The following OSBPL3 variants were observed in gnomAD, a reference collection of about 807,000 sequenced individuals.
The protein encoded by OSBPL3 is oxysterol-binding protein-related protein 3.
Under a neutral mutation model 120.1 loss-of-function variants are expected in OSBPL3, and 65 were observed. That is an observed-to-expected ratio of 0.54 (90% CI 0.44 to 0.67). The LOEUF is 0.67. Among genes scored for constraint, OSBPL3 ranks in the 30% least tolerant of loss-of-function variants. The pLI is 0.00. For missense variants in OSBPL3, 1,004 were observed against 1,082.1 expected (o/e 0.93, Z 1.01); for synonymous variants, 416 against 402.6 (o/e 1.03, Z -0.40).
rs1180150637 is a variant in OSBPL3, at chr7:24,972,187, A to G, written c.-150+7699T>C. On this transcript the variant is annotated intron_variant, in intron 1 of 22. Transcript: ENST00000313367. This position sits in a 1 kb window ranked among gnomAD's most constrained non-coding sequence, Gnocchi z 4.3. Reference sequence around the variant, plus strand: ...ATTCAACTCCCATTAGCAAATAAACAAACCTGTGTGTCGCATCAGAGAGAG... The same window carrying G: ...ATTCAACTCCCATTAGCAAATAAACGAACCTGTGTGTCGCATCAGAGAGAG... 6.6e-6 allele frequency among the ~76,000 whole-genome samples: 1 copy of G among 152,244 alleles called. No homozygotes were observed. Among genetic ancestry groups the G allele is most frequent in the African/African-American group, 2.4e-5 (1 of 41,464 alleles).
In OSBPL3 at chr7:24,912,499, C is replaced by T. The variant is rs17150518; in HGVS notation, c.-149-19878G>A. On this transcript the variant is annotated intron_variant, in intron 1 of 22. Transcript: ENST00000313367. The surrounding 1 kb of genome is among the most constrained non-coding windows in gnomAD (Gnocchi z 4.5). ...TTCTAATAAACCATTCTGTGCTTAC[C>T]GTTTTTCATCAAAGAACTCTGAGTA... Among the ~76,000 whole-genome samples, 942 of 152,190 alleles carry T rather than the reference C, an allele frequency of 6.2e-3. 8 individuals are homozygous for T. The highest frequency in any genetic ancestry group is 0.021 in the African/African-American group (870 of 41,504).
intron 1 of OSBPL3, among the ~76,000 whole-genome samples, chr7:24,979,624 G>T (rs1033667940): frequency 6.6e-6 from 1 of 152,042 alleles, no homozygotes; most frequent in Non-Finnish European, 1.5e-5. Context: ...TCCTCCTGGC[G>T]GTCAATCCTC....
intron 6 of OSBPL3, 149 bp downstream of exon 6, chr7:24,865,921 G>A (rs948774650): frequency 3.1e-6 from 2 of 635,992 alleles, no homozygotes; most frequent in Non-Finnish European, 2.8e-6. Context: ...TTCTGACTCA[G>A]TGGGCAAACA....
chr7:24,921,143 A>C (rs1228639161), intron 1 of OSBPL3, among the ~76,000 whole-genome samples: 3 of 152,140 alleles, frequency 2.0e-5, no homozygotes, highest in Non-Finnish European at 4.4e-5. Flanking sequence ...CTCTGAAACA[A>C]TTGGTTGATC....
intron 10 of OSBPL3, among the ~76,000 whole-genome samples, chr7:24,859,849 T>C (rs904491278): frequency 2.0e-5 from 3 of 152,200 alleles, no homozygotes; most frequent in Non-Finnish European, 4.4e-5. Context: ...TTAGTGAGTA[T>C]TCTATTATAT....
chr7:24,981,036 C>T (rs1038386215), upstream of OSBPL3, among the ~76,000 whole-genome samples: 3 of 152,106 alleles, frequency 2.0e-5, no homozygotes, highest in Non-Finnish European at 4.4e-5. This position sits in a 1 kb window ranked among gnomAD's most constrained non-coding sequence, Gnocchi z 7.3. Flanking sequence ...TAGTGAGCAC[C>T]TAGTATATGC....
At chr7:24,920,016 T>G (rs1020126102) in intron 1 of OSBPL3, among the ~76,000 whole-genome samples, 4 of 152,056 alleles carry the variant, frequency 2.6e-5, no homozygotes, top group Non-Finnish European at 5.9e-5. Context: ...ACAAGTGTTA[T>G]CAAGGATGTG....
intron 13 of OSBPL3, 83 bp downstream of exon 13, chr7:24,842,196 T>C: frequency 7.1e-7 from 1 of 1,403,860 alleles, no homozygotes; most frequent in Non-Finnish European, 9.9e-7. Context: ...GTGTTTCTGA[T>C]GATGGATTAT....
intron 1 of OSBPL3, among the ~76,000 whole-genome samples, chr7:24,942,910 C>T (rs4236316): frequency 0.21 from 31,559 of 152,066 alleles, 3,491 homozygotes; most frequent in Admixed American, 0.29. Context: ...GATTTCACAA[C>T]GGTGATTAAG....
chr7:24,944,069 T>G (rs1268000798), intron 1 of OSBPL3, among the ~76,000 whole-genome samples: 1 of 121,006 alleles, frequency 8.3e-6, no homozygotes, highest in Non-Finnish European at 1.7e-5. Context: ...AATTTTCCAG[T>G]CTAAAGTAAA....
chr7:24,948,921 A>G (rs528998522), intron 1 of OSBPL3, among the ~76,000 whole-genome samples: 2 of 152,228 alleles, frequency 1.3e-5, no homozygotes, highest in Non-Finnish European at 2.9e-5. Context: ...AATTAATTAA[A>G]CAATTTCCAG....
rs2128254806 is a variant in OSBPL3 at position 24,863,687 on chromosome 7, T to C, written c.674-88A>G. The stretch of plus-strand genomic sequence containing the variant: ...CCCCATGCCAGCTACTTTTCCTTAT[T>C]TATCTGTAGTTGATTTTTTTTTTCA... On this transcript the variant is annotated intron_variant, in intron 7 of 22. Coordinates refer to ENST00000313367, the MANE Select transcript of OSBPL3 (RefSeq NM_015550.4). This position sits in a 1 kb window ranked among gnomAD's most constrained non-coding sequence, Gnocchi z 5.8. 1.2e-6 allele frequency: 1 copy of C among 840,290 alleles called. No individual in the cohort carries two copies. The highest frequency in any genetic ancestry group is 2.5e-5 in the East Asian group (1 of 39,742). 52.1% of individuals were successfully genotyped at this position (840,290 alleles called of 1,614,324 possible). A position where few individuals can be genotyped will look rare whatever the true frequency, so the allele number is the denominator to read the frequency against.
chr7:24,830,796 T>C lies in OSBPL3; in HGVS notation c.1856A>G (p.Asp619Gly), dbSNP rs1169612253. The C allele has an allele frequency of 6.2e-7, 1 of 1,613,590 alleles. No individual in the cohort carries two copies. Among genetic ancestry groups the C allele is most frequent in the African/African-American group, 1.3e-5 (1 of 74,906 alleles). The change falls in exon 16 of 23, where the codon GAC becomes GGC. Residue 619 changes from aspartate to glycine, a missense_variant. Asp to Gly is a moderately conservative substitution (Grantham distance 94). Around this residue, in one of 4 missense-constraint regions of OSBPL3, gnomAD observed 473 missense variants for 568.0 expected, o/e 0.83. Coordinates refer to ENST00000313367, the MANE Select transcript of OSBPL3 (RefSeq NM_015550.4). This position sits in a 1 kb window ranked among gnomAD's most constrained non-coding sequence, Gnocchi z 4.4. ...LGETYECIRE[D>G]KGFQFFSEQV... ...TTCTGAAAAAAACTGGAAGCCCTTGTCCTCCCGAATACATTCATATGTTTC... is the reference window on the plus strand; with the variant it reads ...TTCTGAAAAAAACTGGAAGCCCTTGCCCTCCCGAATACATTCATATGTTTC...
chr7:24,863,168 G>A lies in OSBPL3; in HGVS notation c.870+32C>T. 1 of 1,534,836 alleles carries A rather than the reference G, an allele frequency of 6.5e-7. No homozygotes were observed. The highest frequency in any genetic ancestry group is 9.0e-7 in the Non-Finnish European group (1 of 1,107,594). ...CGGCATGCAGAGCAGGGCCAATGAAGAAACCAGTCTGTCAGGGGAAGCAAT... is the reference window on the plus strand; with the variant it reads ...CGGCATGCAGAGCAGGGCCAATGAAAAAACCAGTCTGTCAGGGGAAGCAAT... On this transcript the variant is annotated intron_variant, in intron 9 of 22. Coordinates refer to ENST00000313367, the MANE Select transcript of OSBPL3 (RefSeq NM_015550.4). The surrounding 1 kb of genome is among the most constrained non-coding windows in gnomAD (Gnocchi z 5.8).
chr7:24,887,022 A>G (rs563603038), intron 2 of OSBPL3, among the ~76,000 whole-genome samples: 1 of 152,346 alleles, frequency 6.6e-6, no homozygotes, highest in African/African-American at 2.4e-5. Flanking sequence ...CACATTTACT[A>G]TGTAAATGAT....
chr7:24,840,156 G>C (rs539195198), intron 14 of OSBPL3, among the ~76,000 whole-genome samples: 1 of 50,704 alleles, frequency 2.0e-5, no homozygotes, highest in Non-Finnish European at 4.4e-5. Flanking sequence ...AAAATCCTAG[G>C]GGGTGGGGTC....
At chr7:24,960,149 C>T (rs779657962) in intron 1 of OSBPL3, among the ~76,000 whole-genome samples, 1 of 152,128 alleles carries the variant, frequency 6.6e-6, no homozygotes, top group Non-Finnish European at 1.5e-5. Flanking sequence ...TTTTATAACA[C>T]TGCACAACAG....
In OSBPL3 at chr7:24,855,549, A is replaced by T. The variant is rs1799738367; in HGVS notation, c.1028-2915T>A. ...ATCTGAAAAAAGGGTTTGGAAGACT[A>T]GATCCCTGTGTACTAAATTTCTTAA... On this transcript the variant is annotated intron_variant, in intron 10 of 22. Transcript: ENST00000313367. This position sits in a 1 kb window ranked among gnomAD's most constrained non-coding sequence, Gnocchi z 4.3. 6.6e-6 allele frequency among the ~76,000 whole-genome samples: 1 copy of T among 152,220 alleles called. No individual in the cohort carries two copies. Among genetic ancestry groups the T allele is most frequent in the Non-Finnish European group, 1.5e-5 (1 of 68,036 alleles).
chr7:24,909,486 G>A (rs1808455577), intron 1 of OSBPL3, among the ~76,000 whole-genome samples: 1 of 152,176 alleles, frequency 6.6e-6, no homozygotes, highest in Admixed American at 6.5e-5. Flanking sequence ...CACCATGCCA[G>A]CCAAGGAATA....
Sources: allele counts gnomAD v4.1 joint callset (sites outside exome capture counted in the v4.1 genomes callset), GRCh38; gene constraint gnomAD v4.1.1; regional missense constraint gnomAD v4.1.1; non-coding constraint Gnocchi (gnomAD v3.1); transcripts MANE v1.5; gene names NCBI Gene and HGNC (gene_info 2026-07-23, HGNC 2026-07-21).